Variants in JAM3 observed in about 807,000 individuals in gnomAD.
JAM3 encodes the protein junctional adhesion molecule C.
A neutral mutation model predicts 39.4 loss-of-function variants in JAM3; 31 were observed. The ratio of observed to expected loss-of-function variants is 0.79; its 90% CI spans 0.59 to 1.06. The LOEUF (loss-of-function observed/expected upper bound fraction) is 1.06, where lower values mean the gene tolerates loss of function less well. Ranked by LOEUF, JAM3 falls within the 50% of genes least tolerant of loss-of-function variation. The pLI, the probability that JAM3 is intolerant of heterozygous loss-of-function variation, is 0.00. For synonymous variants in JAM3, 182 were observed against 148.7 expected, an observed-to-expected ratio of 1.22 and a Z score of -1.63; for missense variants, 455 against 391.4, an observed-to-expected ratio of 1.16 and a Z score of -1.37.
chr11:134,100,494 C>T lies in JAM3; in HGVS notation c.76+31335C>T, dbSNP rs188054334. ...TTTTAAAATCCCTAATTAGACTCTCCTTCTCTTTAAGACCACTTTTGAGTT... is the reference window on the plus strand; with the variant it reads ...TTTTAAAATCCCTAATTAGACTCTCTTTCTCTTTAAGACCACTTTTGAGTT... On this transcript the variant is annotated intron_variant, in intron 1 of 8. Transcript: ENST00000299106. Among the ~76,000 whole-genome samples the T allele has an allele frequency of 2.0e-5, 3 of 152,276 alleles. No individual in the cohort carries two copies. In the East Asian group the frequency reaches 5.8e-4, roughly 29 times the overall value.
intron 1 of JAM3, among the ~76,000 whole-genome samples, chr11:134,076,696 G>T (rs1430678973): frequency 1.3e-5 from 2 of 151,852 alleles, no homozygotes; most frequent in Non-Finnish European, 2.9e-5. Context: ...CACACTGGGG[G>T]AAGTATTTTT....
intron 1 of JAM3, among the ~76,000 whole-genome samples, chr11:134,131,022 T>C (rs565619484): frequency 6.6e-6 from 1 of 152,066 alleles, no homozygotes; most frequent in African/African-American, 2.4e-5. Flanking sequence ...CTTAGGAAAT[T>C]ACGACTCTCA....
chr11:134,079,456 G>A (rs1941628518), intron 1 of JAM3, among the ~76,000 whole-genome samples: 1 of 152,102 alleles, frequency 6.6e-6, no homozygotes, highest in African/African-American at 2.4e-5. Flanking sequence ...GCCGTCTGAT[G>A]TAATGTGTGG....
In JAM3 at chr11:134,123,903, T is replaced by G. The variant is rs928959593; in HGVS notation, c.77-15948T>G. ...TCAGTATTTCTCCAAGTAAAGCAGCTGTTTGGAATTGAAGGCCCCCCTTCT... is the reference window on the plus strand; with the variant it reads ...TCAGTATTTCTCCAAGTAAAGCAGCGGTTTGGAATTGAAGGCCCCCCTTCT... On this transcript the variant is annotated intron_variant, in intron 1 of 8. Transcript: ENST00000299106. The G allele has an allele frequency of 4.9e-6, 5 of 1,022,246 alleles. No individual in the cohort carries two copies. The African/African-American group carries it at 7.9e-5, about 16-fold the overall frequency. The allele number at this position is 1,022,246 out of a possible 1,614,324, so 63.3% of individuals were successfully genotyped here. A position where few individuals can be genotyped will look rare whatever the true frequency, so the allele number is the denominator to read the frequency against.
At chr11:134,121,005 C>T (rs1212829043) in intron 1 of JAM3, among the ~76,000 whole-genome samples, 2 of 151,748 alleles carry the variant, frequency 1.3e-5, no homozygotes, top group African/African-American at 4.8e-5. Context: ...TGTTTCTGTG[C>T]ACCAACCGCA....
intron 1 of JAM3, among the ~76,000 whole-genome samples, chr11:134,094,402 G>T (rs1352500758): frequency 7.3e-6 from 1 of 136,702 alleles, no homozygotes; most frequent in Non-Finnish European, 1.6e-5. Context: ...TATTCATCAT[G>T]TTCCACCTTA....
chr11:134,148,307 T>C (rs1438062132), intron 6 of JAM3: 2 of 566,878 alleles, frequency 3.5e-6, no homozygotes, highest in East Asian at 6.1e-5. Context: ...CACTTTTCAG[T>C]GCGACTGCAT....
At chr11:134,147,084 T>C (rs1943087096) in intron 6 of JAM3, among the ~76,000 whole-genome samples, 1 of 152,210 alleles carries the variant, frequency 6.6e-6, no homozygotes, top group Non-Finnish European at 1.5e-5. Flanking sequence ...AGGGTTGTTT[T>C]CTCCTGCAGT....
At chr11:134,144,766 T>G in intron 4 of JAM3, 26 bp from the exon 5 acceptor site, 2 of 1,568,416 alleles carry the variant, frequency 1.3e-6, no homozygotes, top group Non-Finnish European at 1.7e-6. Flanking sequence ...ACTGAGATCT[T>G]AAACACCACC....
chr11:134,097,930 G>A (rs1942012019), intron 1 of JAM3, among the ~76,000 whole-genome samples: 1 of 151,754 alleles, frequency 6.6e-6, no homozygotes, highest in South Asian at 2.1e-4. Context: ...AAGGACTCTG[G>A]CCCTTCAGTT....
At chr11:134,133,714 A>C (rs1942810649) in intron 1 of JAM3, among the ~76,000 whole-genome samples, 1 of 152,180 alleles carries the variant, frequency 6.6e-6, no homozygotes, top group Non-Finnish European at 1.5e-5. Context: ...TCACAGCCCA[A>C]GGGTATAGTC....
At chr11:134,132,442 A>G (rs993055346) in intron 1 of JAM3, among the ~76,000 whole-genome samples, 43 of 152,232 alleles carry the variant, frequency 2.8e-4, no homozygotes, top group African/African-American at 1.0e-3. Context: ...CCGCAGGTTG[A>G]AATGAAAGAA....
chr11:134,131,811 C>T (rs78961946), intron 1 of JAM3, among the ~76,000 whole-genome samples: 4,396 of 152,062 alleles, frequency 0.029, 225 homozygotes, highest in African/African-American at 0.1. Flanking sequence ...GAAAAATTTA[C>T]TAGAGGGTTT....
At chr11:134,107,480 A>T (rs374014537) in intron 1 of JAM3, among the ~76,000 whole-genome samples, 1 of 152,168 alleles carries the variant, frequency 6.6e-6, no homozygotes, top group East Asian at 1.9e-4. Context: ...ATAAAGTATA[A>T]AAAATATATA....
At position 134,151,614 on chromosome 11, in the gene JAM3, C is replaced by T. The variant is rs187873743; in HGVS notation, c.*2433C>T. 7.2e-5 allele frequency: 11 copies of T among 152,320 alleles called. No homozygotes were observed. The highest frequency in any genetic ancestry group is 2.2e-4 in the African/African-American group (9 of 41,566). The allele number at this position is 152,320 out of a possible 1,614,324, so 9.4% of individuals were successfully genotyped here. Reference sequence around the variant, plus strand: ...CGTGTATTTTAAGATATGAATGTGACTCAAGACTCGAGGCCGATACGAGGC... The same window carrying T: ...CGTGTATTTTAAGATATGAATGTGATTCAAGACTCGAGGCCGATACGAGGC... On this transcript the variant is annotated 3_prime_UTR_variant, in exon 9 of 9. Transcript: ENST00000299106.
intron 3 of JAM3, among the ~76,000 whole-genome samples, chr11:134,143,284 G>T (rs942635405): frequency 2.6e-5 from 4 of 152,298 alleles, no homozygotes; most frequent in East Asian, 1.9e-4. Flanking sequence ...CATCTTAGTG[G>T]GTTGGAAGCG....
At chr11:134,147,290 C>G (rs540419364) in intron 6 of JAM3, among the ~76,000 whole-genome samples, 1 of 151,472 alleles carries the variant, frequency 6.6e-6, no homozygotes, top group Non-Finnish European at 1.5e-5. Context: ...TCTGTGTCTA[C>G]TAAAAATACA....
intron 1 of JAM3, among the ~76,000 whole-genome samples, chr11:134,103,052 C>T (rs547792613): frequency 2.6e-5 from 4 of 152,228 alleles, no homozygotes; most frequent in Admixed American, 2.6e-4. Flanking sequence ...CTCCAAGACA[C>T]ATAATTGCCA....
chr11:134,119,172 C>T (rs1050646639), intron 1 of JAM3, among the ~76,000 whole-genome samples: 2 of 152,034 alleles, frequency 1.3e-5, no homozygotes, highest in Admixed American at 1.3e-4. Context: ...GTGATCTGCC[C>T]TCCTCAGTCT....
Sources: allele counts gnomAD v4.1 joint callset (sites outside exome capture counted in the v4.1 genomes callset), GRCh38; gene constraint gnomAD v4.1.1; transcripts MANE v1.5; gene names NCBI Gene and HGNC (gene_info 2026-07-23, HGNC 2026-07-21).